SEMA3A: variants seen among roughly 807,000 people sequenced by gnomAD.
The protein encoded by SEMA3A is semaphorin-3A.
Under a neutral mutation model 97.9 loss-of-function variants are expected in SEMA3A, and 29 were observed. That is an observed-to-expected ratio of 0.30 (90% CI 0.22 to 0.40). The LOEUF (loss-of-function observed/expected upper bound fraction) is 0.40, where lower values mean the gene tolerates loss of function less well. Among genes scored for constraint, SEMA3A ranks in the 10% least tolerant of loss-of-function variants. The pLI is 1.00. For missense variants in SEMA3A, 763 were observed against 951.3 expected (o/e 0.80, Z 2.60); for synonymous variants, 321 against 323.7 (o/e 0.99, Z 0.09).
chr7:84,414,017 C>A (rs1804355509), intron 1 of SEMA3A, among the ~76,000 whole-genome samples: 1 of 152,100 alleles, frequency 6.6e-6, no homozygotes, highest in South Asian at 2.1e-4. Context: ...GTCACATATA[C>A]TGCTTCACCG....
At chr7:84,402,774 C>T (rs1053055870) in intron 1 of SEMA3A, among the ~76,000 whole-genome samples, 1 of 152,090 alleles carries the variant, frequency 6.6e-6, no homozygotes, top group Non-Finnish European at 1.5e-5. Context: ...TAACATACAA[C>T]AAAGTAGAGG....
chr7:84,046,013 A>T (rs1283934388), intron 6 of SEMA3A, among the ~76,000 whole-genome samples: 1 of 151,192 alleles, frequency 6.6e-6, no homozygotes, highest in Non-Finnish European at 1.5e-5. Flanking sequence ...TGGTGTCCCC[A>T]TAAGACAGAA....
rs78046268 is a variant in SEMA3A at position 84,193,657 on chromosome 7, G to A, written c.112+818C>T. ...TCATCTATCTATAAGACCTATCTAAGCAAATGTGGAACAAACATAAAAAAT... is the reference window on the plus strand; with the variant it reads ...TCATCTATCTATAAGACCTATCTAAACAAATGTGGAACAAACATAAAAAAT... On this transcript the variant is annotated intron_variant, in intron 1 of 16. Transcript: ENST00000265362. 3.3e-5 allele frequency among the ~76,000 whole-genome samples: 5 copies of A among 152,050 alleles called. No individual in the cohort carries two copies. In the East Asian group the frequency reaches 7.7e-4, roughly 24 times the overall value.
chr7:83,963,146 G>T (rs1788539541), intron 16 of SEMA3A, 59 bp downstream of exon 16: 4 of 1,566,472 alleles, frequency 2.6e-6, no homozygotes, highest in Non-Finnish European at 3.5e-6. Flanking sequence ...AAAAATACAA[G>T]GATTACATTT....
At chr7:84,411,278 T>G (rs926049120) in intron 1 of SEMA3A, among the ~76,000 whole-genome samples, 1 of 152,100 alleles carries the variant, frequency 6.6e-6, no homozygotes, top group Non-Finnish European at 1.5e-5. Flanking sequence ...ATTTATGTTT[T>G]AACAAATAAC....
At chr7:84,231,350 T>C (rs1259228750) in intron 3 of SEMA3A, among the ~76,000 whole-genome samples, 1 of 151,944 alleles carries the variant, frequency 6.6e-6, no homozygotes, top group East Asian at 1.9e-4. Context: ...AAGGAGTACA[T>C]GACAGTCTCA....
chr7:84,413,200 G>A (rs182500982), intron 1 of SEMA3A, among the ~76,000 whole-genome samples: 6 of 152,246 alleles, frequency 3.9e-5, no homozygotes, highest in East Asian at 1.9e-4. Context: ...TGTATTATAT[G>A]TGTAGAATAA....
chr7:83,957,277 T>C lies in SEMA3A; in HGVS notation c.*4094A>G, dbSNP rs1405188657. ...AAGTCATCTCGCTCTGTTTCCTTAA[T>C]TTCATTGTGAGCTCTTTGAGAACAA... On this transcript the variant is annotated 3_prime_UTR_variant, in exon 17 of 17. Transcript: ENST00000265362. 1.3e-5 allele frequency: 2 copies of C among 152,120 alleles called. No individual in the cohort carries two copies. The highest frequency in any genetic ancestry group is 2.9e-5 in the Non-Finnish European group (2 of 68,010). The allele number at this position is 152,120 out of a possible 1,614,324, so 9.4% of individuals were successfully genotyped here. A position where few individuals can be genotyped will look rare whatever the true frequency, so the allele number is the denominator to read the frequency against.
chr7:84,023,737 G>A (rs1195379692), intron 6 of SEMA3A, among the ~76,000 whole-genome samples: 5 of 152,154 alleles, frequency 3.3e-5, no homozygotes, highest in Non-Finnish European at 5.9e-5. Context: ...AGTGCCGGGC[G>A]CTATGGCTCA....
intron 1 of SEMA3A, among the ~76,000 whole-genome samples, chr7:84,423,035 T>C (rs1520106): frequency 0.46 from 69,670 of 151,824 alleles, 17,634 homozygotes; most frequent in East Asian, 0.78. Context: ...GTGATTAATA[T>C]TGTAATAGGT....
intron 3 of SEMA3A, among the ~76,000 whole-genome samples, chr7:84,216,890 C>A (rs925809984): frequency 1.3e-5 from 2 of 152,092 alleles, no homozygotes; most frequent in Non-Finnish European, 2.9e-5. Context: ...TTGCGCCTTG[C>A]AAGCCATTTT....
chr7:84,162,969 A>G (rs1037146931), intron 1 of SEMA3A, among the ~76,000 whole-genome samples: 1 of 152,208 alleles, frequency 6.6e-6, no homozygotes, highest in Non-Finnish European at 1.5e-5. Flanking sequence ...AGGATCTTGC[A>G]TTAGGAATTG....
At chr7:84,130,990 C>T (rs1444794223) in intron 2 of SEMA3A, among the ~76,000 whole-genome samples, 2 of 151,818 alleles carry the variant, frequency 1.3e-5, no homozygotes, top group Non-Finnish European at 2.9e-5. Context: ...TTTTATGATT[C>T]TCTGTGATTC....
At chr7:84,118,471 C>G (rs1481838838) in intron 3 of SEMA3A, among the ~76,000 whole-genome samples, 1 of 152,176 alleles carries the variant, frequency 6.6e-6, no homozygotes. Flanking sequence ...ATAAATTAAG[C>G]TGCAACCATT....
intron 1 of SEMA3A, among the ~76,000 whole-genome samples, chr7:84,375,735 A>C (rs1225973863): frequency 6.6e-6 from 1 of 152,180 alleles, no homozygotes; most frequent in African/African-American, 2.4e-5. Context: ...ATATACCAAA[A>C]AAAGTTAACT....
intron 12 of SEMA3A, among the ~76,000 whole-genome samples, chr7:83,990,834 AG>A (rs1789890897): frequency 8.2e-6 from 1 of 122,572 alleles, no homozygotes; most frequent in South Asian, 2.9e-4. Flanking sequence ...ACTTTAAAGT[AG>A]TTTTTTCCAA....
At chr7:84,408,558 A>G (rs930394034) in intron 1 of SEMA3A, among the ~76,000 whole-genome samples, 2 of 152,256 alleles carry the variant, frequency 1.3e-5, no homozygotes, top group African/African-American at 4.8e-5. Context: ...TACCCAAAGG[A>G]TTATAAATCA....
chr7:84,425,346 T>C (rs1401518209), intron 1 of SEMA3A, among the ~76,000 whole-genome samples: 2 of 129,250 alleles, frequency 1.5e-5, no homozygotes, highest in Non-Finnish European at 3.1e-5. Context: ...TATATTGATA[T>C]AAATATATAC....
chr7:84,099,734 A>G (rs1319254815), intron 4 of SEMA3A, among the ~76,000 whole-genome samples: 1 of 152,102 alleles, frequency 6.6e-6, no homozygotes, highest in East Asian at 1.9e-4. Flanking sequence ...TATTATTTAG[A>G]TATCTTGATG....
Sources: allele counts gnomAD v4.1 joint callset (sites outside exome capture counted in the v4.1 genomes callset), GRCh38; gene constraint gnomAD v4.1.1; transcripts MANE v1.5; gene names NCBI Gene and HGNC (gene_info 2026-07-23, HGNC 2026-07-21).